DSCAM: variants seen among roughly 807,000 people sequenced by gnomAD.
DSCAM encodes the protein cell adhesion molecule DSCAM.
DSCAM carries 47 observed loss-of-function variants against 217.7 expected under a neutral mutation model. That is an observed-to-expected ratio of 0.22 (90% CI 0.17 to 0.28). The LOEUF (loss-of-function observed/expected upper bound fraction) is 0.28, where lower values mean the gene tolerates loss of function less well. Among genes scored for constraint, DSCAM ranks in the 10% least tolerant of loss-of-function variants. The pLI is 1.00. For synonymous variants in DSCAM, 1,056 were observed against 1,015.3 expected, an observed-to-expected ratio of 1.04 and a Z score of -0.76; for missense variants, 2,080 against 2,618.3, an observed-to-expected ratio of 0.79 and a Z score of 4.49.
rs201565848 is a variant in DSCAM, at chr21:40,179,133, C to T, written c.2780-39G>A. ...TTTTTCAAAAAAGAAGAGATAGAGA[C>T]GTGAGTTTTTTTCCTCTGCCTTTGA... On this transcript the variant is annotated intron_variant, in intron 14 of 32. Transcript: ENST00000400454. 29 of 1,404,492 alleles carry T rather than the reference C, an allele frequency of 2.1e-5. No individual in the cohort carries two copies. The Admixed American group carries it at 4.9e-4, about 24-fold the overall frequency. 87.0% of individuals were successfully genotyped at this position (1,404,492 alleles called of 1,614,324 possible).
At chr21:40,327,235 T>C (rs999582362) in intron 8 of DSCAM, among the ~76,000 whole-genome samples, 1 of 152,126 alleles carries the variant, frequency 6.6e-6, no homozygotes, top group African/African-American at 2.4e-5. Context: ...ACAGCAAAAG[T>C]GTTAGTAATT....
chr21:40,746,375 C>CAA (rs3071028), intron 1 of DSCAM, among the ~76,000 whole-genome samples: 92,136 of 141,766 alleles, frequency 0.65, 29,748 homozygotes, highest in Admixed American at 0.74. Flanking sequence ...CAAATTGAAG[C>CAA]AAAAAAAAAA....
rs377736072 is a variant in DSCAM at position 40,603,750 on chromosome 21, C to T, written c.508+89060G>A. Among the ~76,000 whole-genome samples, 283 of 152,122 alleles carry T rather than the reference C, an allele frequency of 1.9e-3. 1 individual carries two copies. Among genetic ancestry groups the T allele is most frequent in the Admixed American group, 3.3e-3 (51 of 15,282 alleles). ...ACTGTTGTTGTTGTTCAATACTGTA[C>T]ATTTCACTCCACTCTCTTACTTGTG... On this transcript the variant is annotated intron_variant, in intron 3 of 32. Coordinates refer to ENST00000400454, the MANE Select transcript of DSCAM (RefSeq NM_001389.5).
intron 3 of DSCAM, among the ~76,000 whole-genome samples, chr21:40,411,128 T>C (rs2075318834): frequency 6.6e-6 from 1 of 150,700 alleles, no homozygotes; most frequent in African/African-American, 2.4e-5. Context: ...GATTCAACAA[T>C]ATATGTGACC....
chr21:40,801,470 C>G (rs1333555065), intron 1 of DSCAM, among the ~76,000 whole-genome samples: 1 of 152,082 alleles, frequency 6.6e-6, no homozygotes, highest in African/African-American at 2.4e-5. Flanking sequence ...TGCTTTTCCT[C>G]AAGATAGCAG....
intron 20 of DSCAM, among the ~76,000 whole-genome samples, chr21:40,110,774 G>T (rs1200680816): frequency 6.6e-6 from 1 of 152,226 alleles, no homozygotes; most frequent in African/African-American, 2.4e-5. Context: ...GAATGCACAA[G>T]CCTCAGTAGC....
At chr21:40,553,430 C>A (rs567758897) in intron 3 of DSCAM, among the ~76,000 whole-genome samples, 2 of 152,150 alleles carry the variant, frequency 1.3e-5, no homozygotes, top group Admixed American at 6.5e-5. Flanking sequence ...ACCAGGATTC[C>A]CCTGATGCAA....
chr21:40,769,859 T>C (rs1318787958), intron 1 of DSCAM, among the ~76,000 whole-genome samples: 2 of 152,154 alleles, frequency 1.3e-5, no homozygotes, highest in African/African-American at 2.4e-5. Flanking sequence ...CATGTTCAGG[T>C]GATGTAGCCA....
At chr21:40,434,653 C>A (rs2075566865) in intron 3 of DSCAM, among the ~76,000 whole-genome samples, 1 of 152,134 alleles carries the variant, frequency 6.6e-6, no homozygotes, top group Non-Finnish European at 1.5e-5. Context: ...TGCAGCAGCA[C>A]CTCAATTATA....
intron 1 of DSCAM, among the ~76,000 whole-genome samples, chr21:40,768,723 G>A (rs2091418180): frequency 6.6e-6 from 1 of 152,218 alleles, no homozygotes; most frequent in Non-Finnish European, 1.5e-5. Context: ...TGATGTGGAA[G>A]TGCTTCAAGG....
At chr21:40,733,101 G>T (rs1309539846) in intron 1 of DSCAM, among the ~76,000 whole-genome samples, 1 of 152,244 alleles carries the variant, frequency 6.6e-6, no homozygotes, top group African/African-American at 2.4e-5. Flanking sequence ...ACTGTGCCAG[G>T]CACTGGGAGG....
intron 28 of DSCAM, among the ~76,000 whole-genome samples, chr21:40,059,294 GCTCT>G (rs367834898): frequency 2.9e-4 from 44 of 152,274 alleles, no homozygotes; most frequent in African/African-American, 1.1e-3. Context: ...TTATATGTTA[GCTCT>G]CTACAGTATA....
chr21:40,087,486 T>C (rs1425219972), intron 21 of DSCAM, among the ~76,000 whole-genome samples, 199 bp from the exon 22 acceptor site: 1 of 152,228 alleles, frequency 6.6e-6, no homozygotes, highest in Non-Finnish European at 1.5e-5. Context: ...AAAATTCCCA[T>C]TGTAGCATTC....
intron 3 of DSCAM, among the ~76,000 whole-genome samples, chr21:40,502,238 A>G (rs2076175433): frequency 6.6e-6 from 1 of 152,180 alleles, no homozygotes; most frequent in South Asian, 2.1e-4. Context: ...CTCTCTATAC[A>G]TTTTTATTGA....
At chr21:40,521,685 A>G (rs141045959) in intron 3 of DSCAM, among the ~76,000 whole-genome samples, 2,471 of 152,250 alleles carry the variant, frequency 0.016, 74 homozygotes, top group African/African-American at 0.055. Context: ...TTATAAAAAT[A>G]GTGAATAGAA....
chr21:40,430,780 A>C (rs1402983520), intron 3 of DSCAM, among the ~76,000 whole-genome samples: 1 of 152,140 alleles, frequency 6.6e-6, no homozygotes, highest in African/African-American at 2.4e-5. Context: ...TTTGGGCCTC[A>C]TTGTCACAAT....
intron 32 of DSCAM, among the ~76,000 whole-genome samples, chr21:40,020,983 G>C (rs999705779): frequency 1.8e-4 from 28 of 152,172 alleles, no homozygotes; most frequent in African/African-American, 5.5e-4. Context: ...ACAGAGAAGG[G>C]CTCTGGGAAA....
chr21:40,373,203 G>C (rs151052767), intron 3 of DSCAM, among the ~76,000 whole-genome samples: 1 of 152,180 alleles, frequency 6.6e-6, no homozygotes, highest in South Asian at 2.1e-4. Flanking sequence ...GGTTGTTAAT[G>C]CTGAAAGTCA....
At chr21:40,257,923 C>G (rs2837542) in intron 11 of DSCAM, among the ~76,000 whole-genome samples, 20,371 of 152,056 alleles carry the variant, frequency 0.13, 3,494 homozygotes, top group African/African-American at 0.39. Flanking sequence ...TTTCACAGAG[C>G]AATGTACCTT....
Sources: allele counts gnomAD v4.1 joint callset (sites outside exome capture counted in the v4.1 genomes callset), GRCh38; gene constraint gnomAD v4.1.1; transcripts MANE v1.5; gene names NCBI Gene and HGNC (gene_info 2026-07-23, HGNC 2026-07-21).